NXPE2: variants seen among roughly 807,000 people sequenced by gnomAD.
NXPE2 encodes neurexophilin and PC-esterase domain family member 2.
In NXPE2, 34 loss-of-function variants were observed where a neutral mutation model predicts 34.4. The observed-to-expected ratio is 0.99, with a 90% CI of 0.75 to 1.31. The LOEUF (loss-of-function observed/expected upper bound fraction) is 1.31, where lower values mean the gene tolerates loss of function less well. NXPE2 is among the 40% of genes most tolerant of loss of function. The pLI is 0.00. For synonymous variants in NXPE2, 235 were observed against 231.3 expected, an observed-to-expected ratio of 1.02 and a Z score of -0.15; for missense variants, 649 against 672.5, an observed-to-expected ratio of 0.97 and a Z score of 0.39.
chr11:114,804,838 A>G, the NXPE2 span, among the ~76,000 whole-genome samples: 1 of 152,150 alleles, frequency 6.6e-6, no homozygotes, highest in African/African-American at 2.4e-5. Flanking sequence ...CTTCCTGAAC[A>G]AAGGCTTCAG....
At chr11:114,512,682 G>A in the NXPE2 span, 1 of 154,784 alleles carries the variant, frequency 6.5e-6, no homozygotes, top group South Asian at 2.0e-4. Flanking sequence ...TAAAGTGATT[G>A]GGGCAGTTGT....
At chr11:114,648,813 C>G in the NXPE2 span, among the ~76,000 whole-genome samples, 160 of 152,192 alleles carry the variant, frequency 1.1e-3, no homozygotes, top group African/African-American at 3.7e-3. Flanking sequence ...TCTTGATAGT[C>G]TATAACTTAA....
chr11:114,790,853 C>A, the NXPE2 span, among the ~76,000 whole-genome samples: 3 of 152,174 alleles, frequency 2.0e-5, no homozygotes, highest in Non-Finnish European at 2.9e-5. Flanking sequence ...TATCTTCCCC[C>A]TCCCTGTCCC....
At chr11:114,768,951 T>A in the NXPE2 span, among the ~76,000 whole-genome samples, 1 of 152,192 alleles carries the variant, frequency 6.6e-6, no homozygotes, top group East Asian at 1.9e-4. Context: ...AAGCCAAAAC[T>A]GACAAATGGG....
chr11:114,768,933 G>A, the NXPE2 span, among the ~76,000 whole-genome samples: 1 of 152,032 alleles, frequency 6.6e-6, no homozygotes, highest in Non-Finnish European at 1.5e-5. Context: ...CAAAAGCAAG[G>A]GCAACAAAAG....
the NXPE2 span, among the ~76,000 whole-genome samples, chr11:114,632,172 A>C: frequency 2.8e-5 from 4 of 141,188 alleles, no homozygotes; most frequent in East Asian, 5.9e-4. Flanking sequence ...TTTATCATAT[A>C]ATATATAATA....
the NXPE2 span, among the ~76,000 whole-genome samples, chr11:114,624,301 GATA>G: frequency 6.6e-6 from 1 of 152,068 alleles, no homozygotes; most frequent in Non-Finnish European, 1.5e-5. Flanking sequence ...TTACCCGGTG[GATA>G]ATAAGTGTTG....
the NXPE2 span, among the ~76,000 whole-genome samples, chr11:114,662,565 G>A: frequency 3.9e-5 from 6 of 152,080 alleles, no homozygotes; most frequent in Middle Eastern, 3.2e-3. Flanking sequence ...CACCAGCTGC[G>A]GTGGCTAAGG....
rs1042352673 is a variant in NXPE2 at position 114,706,684 on chromosome 11, G to A, written c.1434G>A (p.Leu478=). 2 of 1,552,048 alleles carry A rather than the reference G, an allele frequency of 1.3e-6. No individual in the cohort carries two copies. Among genetic ancestry groups the A allele is most frequent in the Admixed American group, 3.9e-5 (2 of 50,992 alleles). The part of the protein sequence containing the change: ...NIQKAIERLF[L]RSPETKVILK... ...AAAAGGCCATTGAACGTCTATTCTTGCGAAGCCCGGAGACCAAGGTGATAC... is the reference window on the plus strand; with the variant it reads ...AAAAGGCCATTGAACGTCTATTCTTACGAAGCCCGGAGACCAAGGTGATAC... The change falls in exon 6 of 6, where the codon TTG becomes TTA. Residue 478 remains leucine (L), a synonymous_variant. Transcript: ENST00000389586.
chr11:114,682,938 G>A (rs184219912), intron 2 of NXPE2, among the ~76,000 whole-genome samples: 84 of 151,690 alleles, frequency 5.5e-4, no homozygotes, highest in African/African-American at 1.7e-3. Context: ...ACCAAAACCC[G>A]TGAGATGCAA....
downstream of NXPE2, chr11:114,707,375 C>T (rs1951496543): frequency 2.5e-6 from 1 of 398,356 alleles, no homozygotes; most frequent in Non-Finnish European, 5.0e-6. Context: ...GGATTACAGG[C>T]ATGAACCACC....
the NXPE2 span, among the ~76,000 whole-genome samples, chr11:114,616,004 G>A: frequency 7.5e-4 from 114 of 151,628 alleles, no homozygotes; most frequent in Admixed American, 1.1e-3. Flanking sequence ...GTGACCCAGT[G>A]GATAATAAGT....
At chr11:114,647,907 G>A in the NXPE2 span, among the ~76,000 whole-genome samples, 1 of 152,168 alleles carries the variant, frequency 6.6e-6, no homozygotes, top group African/African-American at 2.4e-5. Flanking sequence ...TCACCATCTT[G>A]CCCAGTCTCG....
chr11:114,555,066 C>G, the NXPE2 span, among the ~76,000 whole-genome samples: 3 of 151,720 alleles, frequency 2.0e-5, no homozygotes, highest in Non-Finnish European at 4.4e-5. Context: ...GGCAGTCCAG[C>G]CTGTCTACAT....
At chr11:114,601,155 T>C in the NXPE2 span, among the ~76,000 whole-genome samples, 4 of 151,770 alleles carry the variant, frequency 2.6e-5, no homozygotes, top group Non-Finnish European at 4.4e-5. Context: ...ATGAATTGTA[T>C]AATGGTGAAC....
the NXPE2 span, among the ~76,000 whole-genome samples, chr11:114,724,338 T>G: frequency 2.3e-4 from 35 of 152,150 alleles, no homozygotes; most frequent in Non-Finnish European, 1.0e-4. Flanking sequence ...GAAATTTATT[T>G]CCTCGTACTC....
the NXPE2 span, among the ~76,000 whole-genome samples, chr11:114,619,718 T>C: frequency 6.7e-6 from 1 of 150,354 alleles, no homozygotes; most frequent in African/African-American, 2.5e-5. Context: ...TCTTGAGTAA[T>C]CACTGTTACC....
intron 2 of NXPE2, among the ~76,000 whole-genome samples, chr11:114,687,269 C>A (rs973643185): frequency 2.6e-5 from 4 of 151,992 alleles, no homozygotes; most frequent in East Asian, 1.9e-4. Context: ...GTCTTTAACC[C>A]ATTTTGAGTT....
the NXPE2 span, among the ~76,000 whole-genome samples, chr11:114,590,589 T>A: frequency 6.6e-6 from 1 of 152,278 alleles, no homozygotes; most frequent in African/African-American, 2.4e-5. Flanking sequence ...TTACTTAAGG[T>A]ACCAGCCCTC....
Sources: gnomAD v4.1 joint callset for allele counts (sites outside exome capture counted in the v4.1 genomes callset) on GRCh38, gnomAD v4.1.1 for gene constraint, MANE v1.5 for transcripts, NCBI Gene and HGNC (gene_info 2026-07-23, HGNC 2026-07-21) for gene names.